The following NRXN3 variants were observed in gnomAD, a reference collection of about 807,000 sequenced individuals.
NRXN3 encodes neurexin III.
In NRXN3, 32 loss-of-function variants were observed where a neutral mutation model predicts 137.6. That is an observed-to-expected ratio of 0.23 (90% CI 0.18 to 0.31). NRXN3 has a LOEUF of 0.31. Ranked by LOEUF, NRXN3 falls within the 10% of genes least tolerant of loss-of-function variation. NRXN3 has a pLI of 1.00. For synonymous variants in NRXN3, 798 were observed against 784.5 expected (o/e 1.02, Z -0.29); for missense variants, 1,574 against 2,062.5 (o/e 0.76, Z 4.59).
intron 20 of NRXN3, among the ~76,000 whole-genome samples, chr14:79,832,408 T>C (rs1004194164): frequency 6.6e-6 from 1 of 152,152 alleles, no homozygotes; most frequent in Non-Finnish European, 1.5e-5. Flanking sequence ...GAGCCAGTAA[T>C]AACTCAGTGT....
At chr14:78,490,603 A>G (rs1186009034) in intron 4 of NRXN3, among the ~76,000 whole-genome samples, 1 of 152,120 alleles carries the variant, frequency 6.6e-6, no homozygotes, top group Non-Finnish European at 1.5e-5. Flanking sequence ...AAAAACATGT[A>G]TATATAATTT....
At chr14:79,624,422 A>G (rs1161174463) in intron 16 of NRXN3, among the ~76,000 whole-genome samples, 1 of 143,378 alleles carries the variant, frequency 7.0e-6, no homozygotes, top group African/African-American at 2.9e-5. Context: ...ATGTACATTT[A>G]AGGTGTCTCC....
intron 15 of NRXN3, among the ~76,000 whole-genome samples, chr14:79,303,556 G>A (rs149243453): frequency 6.6e-6 from 1 of 152,094 alleles, no homozygotes; most frequent in Non-Finnish European, 1.5e-5. Context: ...CTATTTTTTA[G>A]ACATCATGTC....
chr14:78,631,493 C>T (rs1173223733), intron 4 of NRXN3, among the ~76,000 whole-genome samples: 2 of 152,042 alleles, frequency 1.3e-5, no homozygotes, highest in Admixed American at 6.6e-5. Flanking sequence ...AAATCATATC[C>T]GGTATTTCTG....
chr14:78,573,141 T>G (rs760231709), intron 4 of NRXN3, among the ~76,000 whole-genome samples: 2 of 152,160 alleles, frequency 1.3e-5, no homozygotes, highest in Non-Finnish European at 2.9e-5. Context: ...CTGCCATGAT[T>G]GTAAGTTTCC....
chr14:78,726,770 C>T (rs1433499375), intron 8 of NRXN3, among the ~76,000 whole-genome samples: 5 of 151,846 alleles, frequency 3.3e-5, no homozygotes, highest in African/African-American at 9.7e-5. Context: ...CTGCCCACCT[C>T]GGCCTCCCAA....
chr14:78,968,366 T>C lies in NRXN3; in HGVS notation c.3142+20T>C, dbSNP rs1343006132. ...GTGAAGGTACAACCTATTTTTTTCT[T>C]GTTAAGCTACAGCCTTGTTGCAAGC... On this transcript the variant is annotated intron_variant, in intron 14 of 20. Coordinates refer to ENST00000335750, the MANE Select transcript of NRXN3 (RefSeq NM_001330195.2). 5 of 1,609,156 alleles carry C rather than the reference T, an allele frequency of 3.1e-6. No homozygotes were observed. Among genetic ancestry groups the C allele is most frequent in the Admixed American group, 3.3e-5 (2 of 59,838 alleles).
At chr14:78,384,702 T>C (rs910305281) in intron 4 of NRXN3, among the ~76,000 whole-genome samples, 1 of 152,170 alleles carries the variant, frequency 6.6e-6, no homozygotes. Flanking sequence ...GCTACTGGCT[T>C]TCCCAGCCTT....
intron 4 of NRXN3, among the ~76,000 whole-genome samples, chr14:78,466,045 G>A (rs1366377270): frequency 6.6e-6 from 1 of 151,276 alleles, no homozygotes; most frequent in Non-Finnish European, 1.5e-5. Context: ...AGTAGAGACG[G>A]GGTTTCTCCG....
intron 16 of NRXN3, among the ~76,000 whole-genome samples, chr14:79,609,129 T>C (rs1355701047): frequency 6.6e-6 from 1 of 152,012 alleles, no homozygotes; most frequent in Non-Finnish European, 1.5e-5. Context: ...TCTCCTTCAC[T>C]GTGACTCATT....
chr14:79,681,883 A>G (rs1380699167), intron 17 of NRXN3, among the ~76,000 whole-genome samples: 2 of 152,136 alleles, frequency 1.3e-5, no homozygotes, highest in African/African-American at 4.8e-5. Flanking sequence ...ACTTTCACTA[A>G]GGGATTGTCC....
At chr14:78,207,443 A>G (rs546272405) in intron 1 of NRXN3, among the ~76,000 whole-genome samples, 67 of 152,216 alleles carry the variant, frequency 4.4e-4, no homozygotes, top group African/African-American at 1.6e-3. Context: ...GACACCTTAT[A>G]TTACCGGGCT....
intron 4 of NRXN3, among the ~76,000 whole-genome samples, chr14:78,473,061 A>G (rs184999525): frequency 6.6e-6 from 1 of 152,120 alleles, no homozygotes; most frequent in Admixed American, 6.6e-5. Context: ...TTCATTTAAA[A>G]CCAATCCTGT....
chr14:78,737,815 C>T lies in NRXN3; in HGVS notation c.2044+22676C>T, dbSNP rs184744386. Reference sequence around the variant, plus strand: ...TGCTTAGGGGCTGGTAGGCAGTCTGCAGGGAAGGGGAGGATGGCTTCGCTT... The same window carrying T: ...TGCTTAGGGGCTGGTAGGCAGTCTGTAGGGAAGGGGAGGATGGCTTCGCTT... On this transcript the variant is annotated intron_variant, in intron 8 of 20. Coordinates refer to ENST00000335750, the MANE Select transcript of NRXN3 (RefSeq NM_001330195.2). Among the ~76,000 whole-genome samples, 649 of 152,172 alleles carry T rather than the reference C, an allele frequency of 4.3e-3. 3 individuals are homozygous for T. Among genetic ancestry groups the T allele is most frequent in the East Asian group, 0.014 (71 of 5,150 alleles).
At chr14:79,838,303 T>G (rs2141388726) in intron 20 of NRXN3, among the ~76,000 whole-genome samples, 1 of 152,322 alleles carries the variant, frequency 6.6e-6, no homozygotes, top group South Asian at 2.1e-4. Flanking sequence ...GGAACAAAAC[T>G]GTTGAGCAGA....
intron 16 of NRXN3, among the ~76,000 whole-genome samples, chr14:79,628,336 A>G (rs551143383): frequency 1.3e-5 from 2 of 152,286 alleles, no homozygotes; most frequent in African/African-American, 4.8e-5. Flanking sequence ...TAAGACCTGT[A>G]TTGTTTTCTC....
In NRXN3 at chr14:78,247,269, C is replaced by T. The variant is rs112614662; in HGVS notation, c.709+3467C>T. Among the ~76,000 whole-genome samples, 1,278 of 152,258 alleles carry T rather than the reference C, an allele frequency of 8.4e-3. 9 individuals are homozygous for T. Among genetic ancestry groups the T allele is most frequent in the Middle Eastern group, 0.02 (6 of 294 alleles). ...TGTGCTTTGGGCTATTTTGATTCCC[C>T]GTTGGGTATATTCCCTAGGTAAGAC... On this transcript the variant is annotated intron_variant, in intron 2 of 20. Coordinates refer to ENST00000335750, the MANE Select transcript of NRXN3 (RefSeq NM_001330195.2).
chr14:78,289,282 A>G (rs1022358723), intron 3 of NRXN3, among the ~76,000 whole-genome samples: 1 of 152,206 alleles, frequency 6.6e-6, no homozygotes, highest in Non-Finnish European at 1.5e-5. Context: ...TGTAGTGGTG[A>G]CAGGCTATTG....
intron 15 of NRXN3, among the ~76,000 whole-genome samples, chr14:79,242,874 T>G (rs752786963): frequency 2.0e-5 from 3 of 152,166 alleles, no homozygotes; most frequent in Non-Finnish European, 2.9e-5. Context: ...GGAGGCTGTT[T>G]TACAGTGTAT....
Sources: gnomAD v4.1 joint callset for allele counts (sites outside exome capture counted in the v4.1 genomes callset) on GRCh38, gnomAD v4.1.1 for gene constraint, MANE v1.5 for transcripts, NCBI Gene and HGNC (gene_info 2026-07-23, HGNC 2026-07-21) for gene names.